Variants in ZNF623 observed in about 807,000 individuals in gnomAD.
ZNF623 encodes zinc finger protein 623.
ZNF623 carries 16 observed loss-of-function variants against 24.0 expected under a neutral mutation model. The observed-to-expected ratio is 0.67, with a 90% CI of 0.45 to 1.01. ZNF623 has a LOEUF of 1.01. ZNF623 is among the 50% of genes least tolerant of loss of function. The probability of loss-of-function intolerance (pLI) is 0.00; values close to 1 mark genes in which losing one functional copy is unlikely to be tolerated. For synonymous variants in ZNF623, 224 were observed against 219.8 expected, an observed-to-expected ratio of 1.02 and a Z score of -0.17; for missense variants, 566 against 606.5, an observed-to-expected ratio of 0.93 and a Z score of 0.70.
chr8:143,636,880 C>T lies in ZNF623; in HGVS notation c.-96+735C>T, dbSNP rs934345393. On this transcript the variant is annotated intron_variant, in intron 1 of 1. Coordinates refer to ENST00000526926, the MANE Select transcript of ZNF623 (RefSeq NM_001261843.2). ...TCTTGCTCCCTTCACACACAGGCTA[C>T]GTCATGGTCCAGGGACTCTCAGGGT... Among the ~76,000 whole-genome samples, 5 of 152,212 alleles carry T rather than the reference C, an allele frequency of 3.3e-5. No individual in the cohort carries two copies. In the South Asian group the frequency reaches 6.2e-4, roughly 19 times the overall value.
rs537571579 is a variant in ZNF623, at chr8:143,651,431, T to C, written c.1439T>C (p.Ile480Thr). The C allele has an allele frequency of 5.6e-6, 9 of 1,610,210 alleles. No individual in the cohort carries two copies. In the African/African-American group the frequency reaches 1.2e-4, roughly 22 times the overall value. Reference sequence around the variant, plus strand: ...GGACTCTCCTTGAGTAAGGCCCCCATACATTTGGGTGAGAGGTCTGTAGAT... The same window carrying C: ...GGACTCTCCTTGAGTAAGGCCCCCACACATTTGGGTGAGAGGTCTGTAGAT... ...QEGLSLSKAPIHLGERSVDKG... is the reference protein window; with the variant it reads ...QEGLSLSKAPTHLGERSVDKG... Residue 480 changes from isoleucine (I) to threonine (T), a missense_variant, in exon 2 of 2, where the codon ATA becomes ACA. This residue lies in a region of ZNF623 where 136 missense variants were observed against 131.9 expected (regional missense o/e 1.03). Coordinates refer to ENST00000526926, the MANE Select transcript of ZNF623 (RefSeq NM_001261843.2).
chr8:143,647,561 T>G (rs1361135637), intron 1 of ZNF623, among the ~76,000 whole-genome samples: 1 of 152,180 alleles, frequency 6.6e-6, no homozygotes, highest in South Asian at 2.1e-4. Flanking sequence ...CAAATATCTT[T>G]GGAGTCTTTC....
chr8:143,653,255 G>GT lies in ZNF623; in HGVS notation c.*1773dup, dbSNP rs2131463951. On this transcript the variant is annotated 3_prime_UTR_variant, in exon 2 of 2. Coordinates refer to ENST00000526926, the MANE Select transcript of ZNF623 (RefSeq NM_001261843.2). ...GACATGAACCCCAAAGTCCAGTTTTGTAACGATATAATTTTTTTCTCATGA... is the reference window on the plus strand; with the variant it reads ...GACATGAACCCCAAAGTCCAGTTTTGTTAACGATATAATTTTTTTCTCATGA... 1 of 167,044 alleles carries GT rather than the reference G, an allele frequency of 6.0e-6. No homozygotes were observed. The highest frequency in any genetic ancestry group is 1.9e-4 in the East Asian group (1 of 5,186). The allele number at this position is 167,044 out of a possible 1,614,324, so 10.3% of individuals were successfully genotyped here.
intron 1 of ZNF623, among the ~76,000 whole-genome samples, chr8:143,645,201 T>G (rs1007469452): frequency 4.0e-5 from 6 of 151,550 alleles, no homozygotes; most frequent in Admixed American, 2.6e-4. Context: ...CCCAGCACTT[T>G]GGGAGGCCAA....
rs568610487 is a variant in ZNF623 at position 143,651,893 on chromosome 8, C to T, written c.*410C>T. ...TGTGTTAAGTTGAAGAAAGGTAACT[C>T]GTGTATGAACCCCGAGCCATTTCCC... On this transcript the variant is annotated 3_prime_UTR_variant, in exon 2 of 2. Transcript: ENST00000526926. The T allele has an allele frequency of 1.7e-5, 3 of 177,008 alleles. No individual in the cohort carries two copies. Among genetic ancestry groups the T allele is most frequent in the South Asian group, 3.8e-4 (2 of 5,202 alleles). 11.0% of individuals were successfully genotyped at this position (177,008 alleles called of 1,614,324 possible).
intron 1 of ZNF623, among the ~76,000 whole-genome samples, chr8:143,647,827 G>A (rs538092432): frequency 3.3e-5 from 5 of 152,330 alleles, no homozygotes; most frequent in Admixed American, 2.6e-4. Context: ...AGGTGGTCAC[G>A]CTTCATGGTG....
rs902733442 is a variant in ZNF623, at chr8:143,650,793, T to C, written c.801T>C (p.Ile267=). ...CATTCCGTCATCGCTCAGACCTTAT[T>C]GAACACCAGAGAATTCACACCGGAG... The part of the protein sequence containing the change: ...GKAFRHRSDL[I]EHQRIHTGER... The change falls in exon 2 of 2, where the codon ATT becomes ATC. Residue 267 remains isoleucine (I), a synonymous_variant. Coordinates refer to ENST00000526926, the MANE Select transcript of ZNF623 (RefSeq NM_001261843.2). The surrounding 1 kb of genome is among the most constrained non-coding windows in gnomAD (Gnocchi z 5.2). The C allele has an allele frequency of 3.1e-6, 5 of 1,613,994 alleles. No homozygotes were observed. In the African/African-American group the frequency reaches 6.7e-5, roughly 22 times the overall value.
chr8:143,637,665 T>A (rs1489563903), intron 1 of ZNF623, among the ~76,000 whole-genome samples: 1 of 152,188 alleles, frequency 6.6e-6, no homozygotes, highest in Non-Finnish European at 1.5e-5. Flanking sequence ...TTCTTCTGCC[T>A]TAGCCTCCTG....
chr8:143,638,357 C>A (rs990704691), intron 1 of ZNF623, among the ~76,000 whole-genome samples: 3 of 114,296 alleles, frequency 2.6e-5, no homozygotes, highest in Non-Finnish European at 3.8e-5. Flanking sequence ...AAAAAAAAAA[C>A]TTTCTCAAAA....
Position 143,650,946 on chromosome 8 carries a change from GACGTCAA to G in ZNF623, c.957_963del (p.Asn321ProfsTer24). ...ATGAGTGTGGGAAGCGCTTCAGCCAGACGTCAAACTTCACCCAGCATCAGAGAATTCA... is the reference window on the plus strand; with the variant it reads ...ATGAGTGTGGGAAGCGCTTCAGCCAGACTTCACCCAGCATCAGAGAATTCA... On this transcript the variant is annotated frameshift_variant, in exon 2 of 2. Transcript: ENST00000526926. LOFTEE classifies it high-confidence loss of function. The surrounding 1 kb of genome is among the most constrained non-coding windows in gnomAD (Gnocchi z 5.2). The G allele has an allele frequency of 1.2e-6, 2 of 1,614,006 alleles. No individual in the cohort carries two copies. The highest frequency in any genetic ancestry group is 1.7e-6 in the Non-Finnish European group (2 of 1,180,012).
intron 1 of ZNF623, among the ~76,000 whole-genome samples, chr8:143,640,676 C>T (rs1220438852): frequency 2.6e-5 from 4 of 152,156 alleles, no homozygotes; most frequent in Non-Finnish European, 4.4e-5. Flanking sequence ...CATGGTGGCT[C>T]GTGCCTGTAA....
At chr8:143,645,582 G>A (rs1158829852) in intron 1 of ZNF623, among the ~76,000 whole-genome samples, 1 of 152,172 alleles carries the variant, frequency 6.6e-6, no homozygotes, top group Non-Finnish European at 1.5e-5. Context: ...CAGAGCCTCA[G>A]ATATCATTGT....
intron 1 of ZNF623, among the ~76,000 whole-genome samples, chr8:143,639,325 G>A (rs546056787): frequency 1.3e-5 from 2 of 152,286 alleles, no homozygotes; most frequent in Non-Finnish European, 2.9e-5. Flanking sequence ...CTGGGTTCCA[G>A]TCATTCTCCC....
At position 143,650,097 on chromosome 8, in the gene ZNF623, C is replaced by A. The variant is rs762370655; in HGVS notation, c.105C>A (p.Asp35Glu). Reference protein sequence around the residue: ...GQSLGSSPSQDRGCKQVTVTH... With the variant: ...GQSLGSSPSQERGCKQVTVTH... The stretch of plus-strand genomic sequence containing the variant: ...GCCTGGGGAGTTCCCCCTCTCAGGA[C>A]AGGGGCTGCAAGCAGGTGACAGTGA... The change falls in exon 2 of 2, where the codon GAC (aspartate) becomes GAA (glutamate). Residue 35 changes from aspartate (D) to glutamate (E), a missense_variant. This residue lies in a region of ZNF623 where 313 missense variants were observed against 300.4 expected (regional missense o/e 1.04). Transcript: ENST00000526926. This position sits in a 1 kb window ranked among gnomAD's most constrained non-coding sequence, Gnocchi z 5.2. The A allele has an allele frequency of 1.2e-6, 2 of 1,614,136 alleles. No individual in the cohort carries two copies. The highest frequency in any genetic ancestry group is 2.2e-5 in the South Asian group (2 of 91,084).
intron 1 of ZNF623, among the ~76,000 whole-genome samples, chr8:143,640,578 G>A (rs1164806672): frequency 4.6e-5 from 7 of 152,166 alleles, no homozygotes; most frequent in African/African-American, 1.7e-4. Flanking sequence ...CATTTCAACA[G>A]TGTTCACGGC....
chr8:143,650,508 T>C lies in ZNF623; in HGVS notation c.516T>C (p.Cys172=). 6.2e-7 allele frequency: 1 copy of C among 1,614,136 alleles called. No individual in the cohort carries two copies. The highest frequency in any genetic ancestry group is 8.5e-7 in the Non-Finnish European group (1 of 1,180,030). The change falls in exon 2 of 2, where the codon TGT becomes TGC. Residue 172 remains cysteine, a synonymous_variant. Transcript: ENST00000526926. The surrounding 1 kb of genome is among the most constrained non-coding windows in gnomAD (Gnocchi z 5.2). The part of the protein sequence containing the change: ...SGEKPFKCAQ[C]GKAFCHSSDL... ...AAAAGCCCTTCAAATGTGCGCAGTG[T>C]GGGAAGGCGTTTTGTCACAGTTCAG...
rs1399696269 is a variant in ZNF623, at chr8:143,652,460, T to A, written c.*977T>A. The A allele has an allele frequency of 6.0e-6, 1 of 167,082 alleles. No homozygotes were observed. Among genetic ancestry groups the A allele is most frequent in the East Asian group, 1.9e-4 (1 of 5,198 alleles). The allele number at this position is 167,082 out of a possible 1,614,324, so 10.3% of individuals were successfully genotyped here. ...TTTCAGCTGTTGGCTGTTTTTTTTG[T>A]TGTTTGTTCATTTTGTATCAGTATA... is the stretch of plus-strand genomic sequence containing the variant. On this transcript the variant is annotated 3_prime_UTR_variant, in exon 2 of 2. Transcript: ENST00000526926.
chr8:143,641,825 A>G (rs6997021), intron 1 of ZNF623, among the ~76,000 whole-genome samples: 70,260 of 150,442 alleles, frequency 0.47, 20,604 homozygotes, highest in Non-Finnish European at 0.66. Context: ...AGTGAGCTTA[A>G]AATACTCCAT....
rs1297985989 is a variant in ZNF623, at chr8:143,652,248, A to G, written c.*765A>G. 6.0e-6 allele frequency: 1 copy of G among 167,106 alleles called. No individual in the cohort carries two copies. The highest frequency in any genetic ancestry group is 1.5e-5 in the Non-Finnish European group (1 of 68,134). 10.4% of individuals were successfully genotyped at this position (167,106 alleles called of 1,614,324 possible). ...TACTGCTATTACTATATTTACTTGC[A>G]TATGTCAGAATGATGTGATAGACTA... On this transcript the variant is annotated 3_prime_UTR_variant, in exon 2 of 2. Transcript: ENST00000526926.
Sources: gnomAD v4.1 joint callset for allele counts (sites outside exome capture counted in the v4.1 genomes callset) on GRCh38, gnomAD v4.1.1 for gene constraint, gnomAD v4.1.1 regional missense constraint, Gnocchi (gnomAD v3.1) non-coding constraint, MANE v1.5 for transcripts, NCBI Gene and HGNC (gene_info 2026-07-23, HGNC 2026-07-21) for gene names.